The following CCDC110 variants were observed in gnomAD, a reference collection of about 807,000 sequenced individuals.
CCDC110 encodes coiled-coil domain containing 110.
CCDC110 carries 70 observed loss-of-function variants against 77.1 expected under a neutral mutation model. The ratio of observed to expected loss-of-function variants is 0.91; its 90% CI spans 0.75 to 1.11. The LOEUF is 1.11. Among genes scored for constraint, CCDC110 ranks in the 50% least tolerant of loss-of-function variants. The pLI is 0.00. For missense variants in CCDC110, 868 were observed against 942.9 expected (o/e 0.92, Z 1.04); for synonymous variants, 295 against 312.5 (o/e 0.94, Z 0.59).
chr4:185,447,120 A>G (rs1192778851), intron 6 of CCDC110, among the ~76,000 whole-genome samples: 4 of 152,078 alleles, frequency 2.6e-5, no homozygotes, highest in African/African-American at 4.8e-5. Flanking sequence ...TAGTCATTCC[A>G]TATATGTTAT....
At chr4:185,461,586 T>A (rs1320468889) in intron 4 of CCDC110, among the ~76,000 whole-genome samples, 1 of 152,186 alleles carries the variant, frequency 6.6e-6, no homozygotes, top group Non-Finnish European at 1.5e-5. Context: ...ATACCCCCAA[T>A]ATCTATACTC....
intron 6 of CCDC110, chr4:185,457,714 G>A: frequency 1.7e-6 from 2 of 1,165,496 alleles, no homozygotes; most frequent in South Asian, 1.9e-5. Flanking sequence ...AAATTATTTT[G>A]TGGGGGGAAA....
intron 2 of CCDC110, among the ~76,000 whole-genome samples, chr4:185,464,975 A>T (rs1442744179): frequency 6.6e-6 from 1 of 152,072 alleles, no homozygotes; most frequent in East Asian, 1.9e-4. Context: ...TTGTTGACTT[A>T]CTCCCTGCCA....
At chr4:185,466,356 CA>C (rs1160819651) in intron 2 of CCDC110, among the ~76,000 whole-genome samples, 2 of 151,982 alleles carry the variant, frequency 1.3e-5, no homozygotes, top group Non-Finnish European at 1.5e-5. Flanking sequence ...GCCTGGGAGA[CA>C]AGAGCGAAAC....
Position 185,445,303 on chromosome 4 carries a change from T to TGCC in CCDC110, c.*198_*199insGGC. The TGCC allele has an allele frequency of 9.9e-6, 7 of 705,132 alleles. No homozygotes were observed. Among genetic ancestry groups the TGCC allele is most frequent in the South Asian group, 2.2e-5 (1 of 46,468 alleles). 43.7% of individuals were successfully genotyped at this position (705,132 alleles called of 1,614,324 possible). On this transcript the variant is annotated 3_prime_UTR_variant, in exon 7 of 7. Coordinates refer to ENST00000307588, the MANE Select transcript of CCDC110 (RefSeq NM_152775.4). ...GGTACCTGCCCTCCCTTGTAGAAGT[T>TGCC]CTCCCCCATCTTCTGAAATTCCCAG...
In CCDC110 at chr4:185,458,708, G is replaced by T. The variant is rs547381321; in HGVS notation, c.1879C>A (p.Gln627Lys). Residue 627 changes from glutamine (Q) to lysine (K), a missense_variant, in exon 6 of 7, where the codon CAA becomes AAA. Gln to Lys is a moderately conservative substitution (Grantham distance 53, BLOSUM62 1). Transcript: ENST00000307588. ...TCTATTATTTGAAGAAGTGTCTCTTGTTCCGTTTTTGCCAATCTTTCTTTC... is the reference window on the plus strand; with the variant it reads ...TCTATTATTTGAAGAAGTGTCTCTTTTTCCGTTTTTGCCAATCTTTCTTTC... ...KEKERLAKTE[Q>K]ETLLQIIETV... The T allele has an allele frequency of 3.7e-6, 6 of 1,604,380 alleles. No homozygotes were observed. In the South Asian group the frequency reaches 5.7e-5, roughly 15 times the overall value.
In CCDC110 at chr4:185,460,060, G is replaced by A. The variant is rs764042118; in HGVS notation, c.527C>T (p.Thr176Ile). 1.6e-5 allele frequency: 26 copies of A among 1,613,682 alleles called. No individual in the cohort carries two copies. The highest frequency in any genetic ancestry group is 2.1e-5 in the Non-Finnish European group (25 of 1,179,888). ...SEDTLTLRTS[T>I]DNLSSNIIIH... ...AATTATGTTTGAAGATAAATTGTCT[G>A]TTGAAGTTCTCAGAGTTAATGTGTC... Residue 176 changes from threonine to isoleucine, a missense_variant, in exon 6 of 7, where the codon ACA (threonine) becomes ATA (isoleucine). Coordinates refer to ENST00000307588, the MANE Select transcript of CCDC110 (RefSeq NM_152775.4).
Position 185,468,240 on chromosome 4 carries a change from C to T in CCDC110, c.115+2705G>A, listed in dbSNP as rs995819838. On this transcript the variant is annotated intron_variant, in intron 2 of 6. Transcript: ENST00000307588. This position sits in a 1 kb window ranked among gnomAD's most constrained non-coding sequence, Gnocchi z 4.5. ...GCCCAGATTTGAATTCTAGCTTTGC[C>T]ACACACTCGCAGTGAGGGGATAACT... Among the ~76,000 whole-genome samples, 3 of 152,220 alleles carry T rather than the reference C, an allele frequency of 2.0e-5. No homozygotes were observed. Among genetic ancestry groups the T allele is most frequent in the Non-Finnish European group, 4.4e-5 (3 of 68,044 alleles).
In CCDC110 at chr4:185,458,724, T is replaced by C; in HGVS notation, c.1863A>G (p.Arg621=). 6.2e-7 allele frequency: 1 copy of C among 1,604,448 alleles called. No individual in the cohort carries two copies. The highest frequency in any genetic ancestry group is 8.5e-7 in the Non-Finnish European group (1 of 1,177,892). ...GTGTCTCTTGTTCCGTTTTTGCCAA[T>C]CTTTCTTTCTCTTTTAGCTGGATTA... ...LEIIQLKEKE[R]LAKTEQETLL... is the part of the protein sequence containing the mutation. The change falls in exon 6 of 7, where the codon AGA becomes AGG. Residue 621 remains arginine (R), a synonymous_variant. Transcript: ENST00000307588.
Position 185,458,788 on chromosome 4 carries a change from C to T in CCDC110, c.1799G>A (p.Ser600Asn). The change falls in exon 6 of 7, where the codon AGC becomes AAC. Residue 600 changes from serine to asparagine, a missense_variant. Physicochemically the swap from Ser to Asn is conservative, Grantham distance 46. Coordinates refer to ENST00000307588, the MANE Select transcript of CCDC110 (RefSeq NM_152775.4). Reference protein sequence around the residue: ...KKTHQLLKEKSSLGNELKESQ... With the variant: ...KKTHQLLKEKNSLGNELKESQ... The stretch of plus-strand genomic sequence containing the variant: ...TTCTTTTAGTTCATTTCCAAGTGAG[C>T]TTTTTTCTTTTAGAAGCTGGTGTGT... 6.2e-7 allele frequency: 1 copy of T among 1,610,176 alleles called. No individual in the cohort carries two copies.
rs766799406 is a variant in CCDC110 at position 185,458,294 on chromosome 4, G to A, written c.2293C>T (p.Arg765Trp). ...NERDTLEFEMRHLQREYLSLS... is the reference protein window; with the variant it reads ...NERDTLEFEMWHLQREYLSLS... ...CTTAAATATTCTCGTTGAAGATGCC[G>A]CATCTCAAATTCCAAGGTATCCCTT... The change falls in exon 6 of 7, where the codon CGG becomes TGG. Residue 765 changes from arginine (R) to tryptophan (W), a missense_variant. Arg to Trp is a moderately radical substitution (Grantham distance 101, BLOSUM62 -3). Transcript: ENST00000307588. The A allele has an allele frequency of 2.2e-5, 35 of 1,593,686 alleles. No individual in the cohort carries two copies. Among genetic ancestry groups the A allele is most frequent in the Middle Eastern group, 1.7e-4 (1 of 6,014 alleles).
chr4:185,464,388 G>T (rs887775680), intron 2 of CCDC110, among the ~76,000 whole-genome samples: 2 of 152,036 alleles, frequency 1.3e-5, no homozygotes, highest in African/African-American at 4.8e-5. Context: ...AGTCTGTCTG[G>T]ATCTTGCTTA....
intron 6 of CCDC110, among the ~76,000 whole-genome samples, chr4:185,447,395 T>A (rs890762818): frequency 8.5e-5 from 13 of 152,100 alleles, no homozygotes; most frequent in African/African-American, 3.1e-4. Context: ...TTAGCCAGGA[T>A]GGACTTGATC....
rs148706677 is a variant in CCDC110, at chr4:185,459,905, G to A, written c.682C>T (p.Pro228Ser). The change falls in exon 6 of 7, where the codon CCT (proline) becomes TCT (serine). Residue 228 changes from proline to serine, a missense_variant. Coordinates refer to ENST00000307588, the MANE Select transcript of CCDC110 (RefSeq NM_152775.4). ...VILDKSKITV[P>S]FLKHGFCENL... is the part of the protein sequence containing the mutation. ...TCACAAAATCCATGCTTGAGAAAAG[G>A]CACAGTAATTTTGGATTTATCCAGA... The A allele has an allele frequency of 3.3e-4, 538 of 1,613,682 alleles. No homozygotes were observed. The highest frequency in any genetic ancestry group is 6.9e-5 in the Non-Finnish European group (81 of 1,179,856).
chr4:185,457,176 G>A, intron 6 of CCDC110: 1 of 447,434 alleles, frequency 2.2e-6, no homozygotes, highest in Non-Finnish European at 4.5e-6. Flanking sequence ...AATAAATGTA[G>A]AAAAAGCTTT....
At chr4:185,447,392 G>A (rs1418825066) in intron 6 of CCDC110, among the ~76,000 whole-genome samples, 7 of 152,112 alleles carry the variant, frequency 4.6e-5, no homozygotes, top group Admixed American at 4.6e-4. Context: ...GTGTTAGCCA[G>A]GATGGACTTG....
chr4:185,463,670 A>C (rs181628060), intron 2 of CCDC110, among the ~76,000 whole-genome samples: 101 of 152,250 alleles, frequency 6.6e-4, no homozygotes, highest in Non-Finnish European at 9.7e-4. Flanking sequence ...ATGTGTGGGG[A>C]TAGCACTCCC....
intron 6 of CCDC110, among the ~76,000 whole-genome samples, chr4:185,450,121 G>A (rs187048605): frequency 2.0e-5 from 3 of 152,196 alleles, no homozygotes; most frequent in East Asian, 1.9e-4. Flanking sequence ...ATATTATTAC[G>A]TAGATACAAT....
rs374843619 is a variant in CCDC110 at position 185,471,449 on chromosome 4, G to A, written c.10+225C>T. 2.0e-4 allele frequency: 97 copies of A among 492,580 alleles called. No homozygotes were observed. In the East Asian group the frequency reaches 3.0e-3, roughly 15 times the overall value. The allele number at this position is 492,580 out of a possible 1,614,324, so 30.5% of individuals were successfully genotyped here. A position where few individuals can be genotyped will look rare whatever the true frequency, so the allele number is the denominator to read the frequency against. Reference sequence around the variant, plus strand: ...AAGCGGCCACCCGAGGGCGCGCTGGGCGGGCGGCGGCGGCAGACCACGTAG... The same window carrying A: ...AAGCGGCCACCCGAGGGCGCGCTGGACGGGCGGCGGCGGCAGACCACGTAG... On this transcript the variant is annotated intron_variant, in intron 1 of 6. Coordinates refer to ENST00000307588, the MANE Select transcript of CCDC110 (RefSeq NM_152775.4).
Sources: allele counts gnomAD v4.1 joint callset (sites outside exome capture counted in the v4.1 genomes callset), GRCh38; gene constraint gnomAD v4.1.1; non-coding constraint Gnocchi (gnomAD v3.1); transcripts MANE v1.5; gene names NCBI Gene and HGNC (gene_info 2026-07-23, HGNC 2026-07-21).